The following ARHGAP6 variants were observed in gnomAD, a reference collection of about 807,000 sequenced individuals.
ARHGAP6 encodes rho GTPase-activating protein 6.
ARHGAP6 carries 16 observed loss-of-function variants against 55.7 expected under a neutral mutation model. The ratio of observed to expected loss-of-function variants is 0.29; its 90% CI spans 0.19 to 0.44. The LOEUF (loss-of-function observed/expected upper bound fraction) is 0.44, where lower values mean the gene tolerates loss of function less well. ARHGAP6 is among the 20% of genes least tolerant of loss of function. ARHGAP6 has a pLI of 1.00. For synonymous variants in ARHGAP6, 382 were observed against 360.9 expected (o/e 1.06, Z -0.66); for missense variants, 698 against 808.9 (o/e 0.86, Z 1.66).
At chrX:11,164,063 C>T (rs112938739) in intron 9 of ARHGAP6, among the ~76,000 whole-genome samples, 8 of 112,740 alleles carry the variant, frequency 7.1e-5, no homozygotes, top group African/African-American at 1.9e-4. Flanking sequence ...TGGAAGCCAT[C>T]TGCTGGCCTG....
chrX:11,503,861 CAA>C (rs377736881), intron 1 of ARHGAP6, among the ~76,000 whole-genome samples: 34 of 95,074 alleles, frequency 3.6e-4, no homozygotes, highest in Non-Finnish European at 4.6e-4. Context: ...CACACACACA[CAA>C]AGAGACACAC....
rs1406504776 is a variant in ARHGAP6 at position 11,417,105 on chromosome X, T to TATATAC, written c.589-162399_589-162398insGTATAT. On this transcript the variant is annotated intron_variant, in intron 1 of 12. Transcript: ENST00000337414. ...ATATATATATATATATATATATATA[T>TATATAC]ACACATACATATATATGCATTGCTG... is the stretch of plus-strand genomic sequence containing the variant. Among the ~76,000 whole-genome samples, 81 of 75,832 alleles carry TATATAC rather than the reference T, an allele frequency of 1.1e-3. 1 individual carries two copies. Among genetic ancestry groups the TATATAC allele is most frequent in the African/African-American group, 3.8e-3 (71 of 18,738 alleles). The allele number at this position is 75,832 out of a possible 115,157, so 65.9% of individuals were successfully genotyped here.
rs144063303 is a variant in ARHGAP6 at position 11,506,294 on chromosome X, G to C, written c.588+157947C>G. 6.4e-3 allele frequency among the ~76,000 whole-genome samples: 712 copies of C among 111,132 alleles called. 7 individuals are homozygous for C. Among genetic ancestry groups the C allele is most frequent in the African/African-American group, 0.022 (677 of 30,495 alleles). ...CTAGGGTACATGTGCAGAACGTGCAGTTTTGTTACATAGGTATACACGTAC... is the reference window on the plus strand; with the variant it reads ...CTAGGGTACATGTGCAGAACGTGCACTTTTGTTACATAGGTATACACGTAC... On this transcript the variant is annotated intron_variant, in intron 1 of 12. Transcript: ENST00000337414.
chrX:11,170,363 G>A (rs973275807), intron 8 of ARHGAP6, among the ~76,000 whole-genome samples: 1 of 111,954 alleles, frequency 8.9e-6, no homozygotes, highest in African/African-American at 3.3e-5. Context: ...CACCACACAT[G>A]CAAAGACAGA....
chrX:11,518,392 C>T (rs1310151854), intron 1 of ARHGAP6, among the ~76,000 whole-genome samples: 1 of 110,149 alleles, frequency 9.1e-6, no homozygotes, highest in South Asian at 3.9e-4. Flanking sequence ...GATTTTCCTG[C>T]CTTGGCCTCC....
At position 11,489,553 on chromosome X, in the gene ARHGAP6, T is replaced by C. The variant is rs372338699; in HGVS notation, c.588+174688A>G. Among the ~76,000 whole-genome samples, 58 of 112,206 alleles carry C rather than the reference T, an allele frequency of 5.2e-4. 3 individuals carry two copies. The East Asian group carries it at 0.011, about 21-fold the overall frequency. On this transcript the variant is annotated intron_variant, in intron 1 of 12. Coordinates refer to ENST00000337414, the MANE Select transcript of ARHGAP6 (RefSeq NM_013427.3). ...CAGGCATAAACCATACTTAAACAAATAGGTATGGCTTTGCACCAATAAAAC... is the reference window on the plus strand; with the variant it reads ...CAGGCATAAACCATACTTAAACAAACAGGTATGGCTTTGCACCAATAAAAC...
At chrX:11,194,549 G>C (rs1205646948) in intron 3 of ARHGAP6, among the ~76,000 whole-genome samples, 1 of 111,677 alleles carries the variant, frequency 9.0e-6, no homozygotes, top group African/African-American at 3.3e-5. Flanking sequence ...TTTCCAATTT[G>C]AGATAAACAT....
intron 1 of ARHGAP6, among the ~76,000 whole-genome samples, chrX:11,398,097 A>T (rs530056008): frequency 4.3e-4 from 47 of 110,476 alleles, no homozygotes; most frequent in African/African-American, 1.5e-3. Flanking sequence ...ATGGGCTTAC[A>T]CTACCTGGTG....
At chrX:11,630,058 T>C in intron 1 of ARHGAP6, among the ~76,000 whole-genome samples, 1 of 110,787 alleles carries the variant, frequency 9.0e-6, no homozygotes, top group Middle Eastern at 4.6e-3. Context: ...AGTCTATTAA[T>C]TACCTCCTGC....
chrX:11,157,841 A>G (rs67630853), intron 9 of ARHGAP6, among the ~76,000 whole-genome samples: 19,382 of 111,341 alleles, frequency 0.17, 1,288 homozygotes, highest in Middle Eastern at 0.26. Context: ...TCTCTTACAA[A>G]TCTGTTCCTC....
intron 10 of ARHGAP6, among the ~76,000 whole-genome samples, chrX:11,149,957 A>C (rs966070848): frequency 2.7e-5 from 3 of 111,862 alleles, no homozygotes; most frequent in Non-Finnish European, 5.6e-5. Context: ...ATTTTAGTTT[A>C]ATTTTTTTTC....
intron 8 of ARHGAP6, among the ~76,000 whole-genome samples, chrX:11,175,043 A>G (rs1184014710): frequency 1.8e-5 from 2 of 111,428 alleles, no homozygotes; most frequent in Admixed American, 1.9e-4. Context: ...GCTGTTGTCC[A>G]TATTACTATT....
At chrX:11,409,074 A>G (rs182924729) in intron 1 of ARHGAP6, among the ~76,000 whole-genome samples, 7 of 111,185 alleles carry the variant, frequency 6.3e-5, no homozygotes, top group Admixed American at 5.7e-4. Context: ...CTGTTCTGCT[A>G]CTGTTCCCCT....
intron 1 of ARHGAP6, among the ~76,000 whole-genome samples, chrX:11,356,595 G>C (rs1187161112): frequency 9.0e-6 from 1 of 111,183 alleles, no homozygotes; most frequent in Non-Finnish European, 1.9e-5. Context: ...TATCACAGTA[G>C]TATGTCAATG....
At chrX:11,342,786 C>T (rs1332462203) in intron 1 of ARHGAP6, among the ~76,000 whole-genome samples, 1 of 112,188 alleles carries the variant, frequency 8.9e-6, no homozygotes, top group African/African-American at 3.2e-5. Context: ...GTTTTATTAC[C>T]TCATGCATTT....
At chrX:11,545,237 G>T (rs2051200491) in intron 1 of ARHGAP6, among the ~76,000 whole-genome samples, 1 of 112,354 alleles carries the variant, frequency 8.9e-6, no homozygotes, top group African/African-American at 3.2e-5. Context: ...AATCTATTTG[G>T]CAAGCTAATG....
chrX:11,370,139 T>A (rs569685503), intron 1 of ARHGAP6, among the ~76,000 whole-genome samples: 1 of 112,450 alleles, frequency 8.9e-6, no homozygotes. Flanking sequence ...AGAAAGAGAA[T>A]GAATATTAGA....
intron 1 of ARHGAP6, among the ~76,000 whole-genome samples, chrX:11,488,090 G>A (rs2050529402): frequency 8.9e-6 from 1 of 112,105 alleles, no homozygotes; most frequent in African/African-American, 3.2e-5. Flanking sequence ...CCAAAGTCAT[G>A]CAAGTCAAAA....
At chrX:11,283,836 T>A (rs1241296455) in intron 1 of ARHGAP6, among the ~76,000 whole-genome samples, 6 of 111,701 alleles carry the variant, frequency 5.4e-5, no homozygotes, top group Non-Finnish European at 9.4e-5. Context: ...CCAGGTACCA[T>A]GATTTTAGCC....
Sources: gnomAD v4.1 joint callset for allele counts (sites outside exome capture counted in the v4.1 genomes callset) on GRCh38, gnomAD v4.1.1 for gene constraint, MANE v1.5 for transcripts, NCBI Gene and HGNC (gene_info 2026-07-23, HGNC 2026-07-21) for gene names.